Variants in PRELID2 observed in about 807,000 individuals in gnomAD.
PRELID2 encodes the protein PRELI domain-containing protein 2.
In PRELID2, 25 loss-of-function variants were observed where a neutral mutation model predicts 28.4. The ratio of observed to expected loss-of-function variants is 0.88; its 90% CI spans 0.64 to 1.23. The LOEUF (loss-of-function observed/expected upper bound fraction) is 1.23. PRELID2 is among the 50% of genes most tolerant of loss of function. The probability of loss-of-function intolerance (pLI) is 0.00; values close to 1 mark genes in which losing one functional copy is unlikely to be tolerated. For synonymous variants in PRELID2, 76 were observed against 71.6 expected (o/e 1.06, Z -0.31); for missense variants, 201 against 214.4 (o/e 0.94, Z 0.39).
chr5:145,603,112 G>A (rs1433159391), intron 1 of PRELID2, among the ~76,000 whole-genome samples: 2 of 151,768 alleles, frequency 1.3e-5, no homozygotes, highest in Non-Finnish European at 2.9e-5. Context: ...AGAACATGAT[G>A]AGAAGACCTC....
At chr5:145,534,662 G>A (rs750326444) in intron 1 of PRELID2, among the ~76,000 whole-genome samples, 2 of 151,866 alleles carry the variant, frequency 1.3e-5, no homozygotes, top group Admixed American at 6.6e-5. Context: ...ATTAAACAAC[G>A]TAATAAATGC....
At chr5:145,568,012 G>A (rs924345952) in intron 1 of PRELID2, among the ~76,000 whole-genome samples, 1 of 152,104 alleles carries the variant, frequency 6.6e-6, no homozygotes, top group African/African-American at 2.4e-5. Flanking sequence ...TGGTAATTCT[G>A]GACGATACTG....
At chr5:145,491,707 C>A (rs1040347449) in intron 1 of PRELID2, among the ~76,000 whole-genome samples, 7 of 151,998 alleles carry the variant, frequency 4.6e-5, no homozygotes, top group Admixed American at 4.6e-4. Flanking sequence ...GTAACCCCCC[C>A]AGTACCCCCT....
the PRELID2 span, among the ~76,000 whole-genome samples, chr5:145,379,071 C>A: frequency 6.6e-6 from 1 of 151,996 alleles, no homozygotes; most frequent in African/African-American, 2.4e-5. Context: ...GGACTTATTT[C>A]TGGAAGATTT....
the PRELID2 span, among the ~76,000 whole-genome samples, chr5:145,266,388 T>C: frequency 6.9e-6 from 1 of 145,468 alleles, no homozygotes; most frequent in African/African-American, 2.5e-5. Context: ...AGGACATGAA[T>C]AGACAATTCT....
At chr5:145,369,567 C>T in the PRELID2 span, among the ~76,000 whole-genome samples, 10 of 151,996 alleles carry the variant, frequency 6.6e-5, no homozygotes, top group Admixed American at 2.0e-4. Context: ...TTGTAAATAG[C>T]GCTGCACTAA....
chr5:145,268,754 T>A, the PRELID2 span, among the ~76,000 whole-genome samples: 1 of 151,424 alleles, frequency 6.6e-6, no homozygotes, highest in African/African-American at 2.5e-5. Context: ...AAAATAACTA[T>A]CTATATTTGT....
chr5:145,680,847 G>A (rs1754918575), intron 1 of PRELID2, among the ~76,000 whole-genome samples: 1 of 152,172 alleles, frequency 6.6e-6, no homozygotes, highest in Non-Finnish European at 1.5e-5. Flanking sequence ...ATGGGAGAAA[G>A]TACTTTGTTC....
chr5:145,421,827 G>T, the PRELID2 span, among the ~76,000 whole-genome samples: 1 of 138,678 alleles, frequency 7.2e-6, no homozygotes, highest in Non-Finnish European at 1.6e-5. Context: ...GTGATGTTAG[G>T]GTGTCAATTT....
intron 1 of PRELID2, among the ~76,000 whole-genome samples, chr5:145,543,904 T>C (rs1174089581): frequency 6.6e-6 from 1 of 152,080 alleles, no homozygotes; most frequent in Non-Finnish European, 1.5e-5. Context: ...TTTCTTTCAG[T>C]CAACTTTTCT....
At chr5:145,429,378 TG>T in the PRELID2 span, among the ~76,000 whole-genome samples, 20 of 152,190 alleles carry the variant, frequency 1.3e-4, no homozygotes, top group East Asian at 3.5e-3. Context: ...ACTAGAACAA[TG>T]TAGCTACCAT....
chr5:145,376,969 T>A, the PRELID2 span, among the ~76,000 whole-genome samples: 1 of 152,150 alleles, frequency 6.6e-6, no homozygotes, highest in South Asian at 2.1e-4. Context: ...GTTCTTTTAA[T>A]TGTGATATTA....
chr5:145,601,832 A>C (rs901396636), intron 1 of PRELID2, among the ~76,000 whole-genome samples: 1 of 152,184 alleles, frequency 6.6e-6, no homozygotes, highest in African/African-American at 2.4e-5. Flanking sequence ...TAGGGTAGTG[A>C]GGAAGTTAGT....
chr5:145,422,801 T>C, the PRELID2 span, among the ~76,000 whole-genome samples: 9 of 152,202 alleles, frequency 5.9e-5, no homozygotes, highest in African/African-American at 2.2e-4. Flanking sequence ...GTTATTTTGC[T>C]CATTGGTTGA....
chr5:145,623,691 C>A (rs4339405), intron 1 of PRELID2, among the ~76,000 whole-genome samples: 1 of 152,006 alleles, frequency 6.6e-6, no homozygotes, highest in East Asian at 1.9e-4. Context: ...TGTGGATCAT[C>A]GTGGAAAGCA....
chr5:145,428,158 C>T, the PRELID2 span, among the ~76,000 whole-genome samples: 6 of 152,022 alleles, frequency 3.9e-5, no homozygotes, highest in African/African-American at 9.7e-5. Flanking sequence ...GGGGTTTCAC[C>T]GTGTTGGTCA....
chr5:145,434,458 G>A, the PRELID2 span, among the ~76,000 whole-genome samples: 2 of 152,128 alleles, frequency 1.3e-5, no homozygotes, highest in Admixed American at 1.3e-4. Context: ...CCCCTGACAC[G>A]TACACATGTA....
rs113814057 is a variant in PRELID2, at chr5:145,603,311, T to C, written n.71-129996A>G. 9.4e-3 allele frequency among the ~76,000 whole-genome samples: 1,345 copies of C among 143,230 alleles called. 16 individuals are homozygous for C. The highest frequency in any genetic ancestry group is 0.032 in the African/African-American group (1,257 of 39,420). 94.0% of individuals were successfully genotyped at this position (143,230 alleles called of 152,430 possible). On this transcript the variant is annotated intron_variant and non_coding_transcript_variant, in intron 1 of 2. Transcript: ENST00000510259. The stretch of plus-strand genomic sequence containing the variant: ...CAGCTAGAAAAAAAAAAAAGAAAAA[T>C]CTTTGAATGAGACCAAAAAAATGAT...
At chr5:145,829,991 T>C (rs1379885058) in intron 1 of PRELID2, among the ~76,000 whole-genome samples, 5 of 152,222 alleles carry the variant, frequency 3.3e-5, no homozygotes, top group Non-Finnish European at 1.5e-5. Context: ...GGTCATTCTG[T>C]CAAAGCAAAG....
Sources: allele counts gnomAD v4.1 joint callset (sites outside exome capture counted in the v4.1 genomes callset), GRCh38; gene constraint gnomAD v4.1.1; transcripts MANE v1.5; gene names NCBI Gene and HGNC (gene_info 2026-07-23, HGNC 2026-07-21).